NR2C1: variants seen among roughly 807,000 people sequenced by gnomAD.
NR2C1 encodes the protein nuclear receptor subfamily 2 group C member 1, also known as TR2 nuclear hormone receptor.
In NR2C1, 33 loss-of-function variants were observed where a neutral mutation model predicts 74.8. The ratio of observed to expected loss-of-function variants is 0.44; its 90% CI spans 0.33 to 0.59. The LOEUF (loss-of-function observed/expected upper bound fraction) is 0.59, where lower values mean the gene tolerates loss of function less well. NR2C1 is among the 20% of genes least tolerant of loss of function. NR2C1 has a pLI of 0.02. For synonymous variants in NR2C1, 225 were observed against 240.6 expected (o/e 0.94, Z 0.60); for missense variants, 568 against 715.6 (o/e 0.79, Z 2.35).
At position 95,041,121 on chromosome 12, in the gene NR2C1, G is replaced by A. The variant is rs1166878553; in HGVS notation, c.1132-524C>T. 2.8e-4 allele frequency among the ~76,000 whole-genome samples: 43 copies of A among 152,118 alleles called. 1 individual carries two copies. Among genetic ancestry groups the A allele is most frequent in the Admixed American group, 2.8e-3 (43 of 15,264 alleles). ...GAATTCAGTGCAGTGAAAACATATG[G>A]AATTGTGGGCTGAGCACTGCCAGCT... On this transcript the variant is annotated intron_variant, in intron 9 of 13. Transcript: ENST00000333003.
chr12:95,062,643 G>A lies in NR2C1; in HGVS notation c.150C>T (p.Asp50=), dbSNP rs146999685. ...QGKQFILTNH[D]GSTPSKVILA... is the part of the protein sequence containing the mutation. The stretch of plus-strand genomic sequence containing the variant: ...GAATGACTTTGCTTGGAGTAGAGCC[G>A]TCGTGATTTGTCAGAATGAACTGCT... The change falls in exon 3 of 14, where the codon GAC becomes GAT. Residue 50 remains aspartate (D), a synonymous_variant. Coordinates refer to ENST00000333003, the MANE Select transcript of NR2C1 (RefSeq NM_003297.4). The A allele has an allele frequency of 9.3e-6, 15 of 1,614,054 alleles. No homozygotes were observed. The highest frequency in any genetic ancestry group is 6.7e-5 in the African/African-American group (5 of 75,018).
chr12:95,042,456 G>A lies in NR2C1; in HGVS notation c.1132-1859C>T, dbSNP rs1039881742. On this transcript the variant is annotated intron_variant, in intron 9 of 13. Coordinates refer to ENST00000333003, the MANE Select transcript of NR2C1 (RefSeq NM_003297.4). ...TCAAACTCCTGACCTCAGGTGATCC[G>A]CCCGCCTGGGCCTCCTAAAGTGCTA... Among the ~76,000 whole-genome samples the A allele has an allele frequency of 1.6e-3, 246 of 151,950 alleles. 1 individual carries two copies. Among genetic ancestry groups the A allele is most frequent in the African/African-American group, 5.7e-3 (238 of 41,430 alleles).
At chr12:95,057,976 T>C (rs1378774216) in intron 5 of NR2C1, 98 bp from the exon 6 acceptor site, 2 of 989,416 alleles carry the variant, frequency 2.0e-6, no homozygotes, top group Non-Finnish European at 3.0e-6. Flanking sequence ...ATAGGAGACA[T>C]GGCTACCATA....
chr12:95,059,814 A>G (rs1874476363), intron 4 of NR2C1, 92 bp downstream of exon 4: 2 of 840,668 alleles, frequency 2.4e-6, no homozygotes, highest in Non-Finnish European at 3.6e-6. Context: ...TTAGTAGAAG[A>G]AACATGGTAG....
intron 9 of NR2C1, 103 bp downstream of exon 9, chr12:95,048,965 A>G: frequency 1.9e-6 from 2 of 1,051,008 alleles, no homozygotes; most frequent in Non-Finnish European, 2.8e-6. Flanking sequence ...TCTATCAGGG[A>G]TATTTCTGAC....
At chr12:95,048,787 G>C (rs1872626280) in intron 9 of NR2C1, among the ~76,000 whole-genome samples, 2 of 151,892 alleles carry the variant, frequency 1.3e-5, no homozygotes, top group African/African-American at 4.8e-5. Context: ...ATCACACCTG[G>C]CTGATTTTGT....
chr12:95,022,495 A>T, intron 13 of NR2C1, 92 bp from the exon 14 acceptor site: 2 of 1,006,878 alleles, frequency 2.0e-6, no homozygotes, highest in Non-Finnish European at 3.0e-6. Context: ...CATGTGGCCT[A>T]ATTTAATAAA....
intron 1 of NR2C1, among the ~76,000 whole-genome samples, chr12:95,072,201 G>A (rs1876747535): frequency 6.6e-6 from 1 of 150,710 alleles, no homozygotes; most frequent in South Asian, 2.1e-4. Context: ...ATCAGAGGCG[G>A]GTACATCACG....
chr12:95,052,023 G>A, intron 7 of NR2C1, 80 bp from the exon 8 acceptor site: 1 of 916,302 alleles, frequency 1.1e-6, no homozygotes, highest in Non-Finnish European at 1.6e-6. Context: ...TATAGATTAT[G>A]ATATGCCAAC....
intron 10 of NR2C1, among the ~76,000 whole-genome samples, chr12:95,032,949 C>T (rs555193531): frequency 6.6e-6 from 1 of 152,002 alleles, no homozygotes; most frequent in African/African-American, 2.4e-5. Context: ...GCTTGGGTGA[C>T]AGAGTGAGAC....
At chr12:95,068,000 C>A (rs567635129) in intron 1 of NR2C1, among the ~76,000 whole-genome samples, 100 of 151,836 alleles carry the variant, frequency 6.6e-4, no homozygotes, top group African/African-American at 2.3e-3. Flanking sequence ...CCTGCCTCAG[C>A]CTCCCAAGTA....
rs1455620682 is a variant in NR2C1 at position 95,057,870 on chromosome 12, A to G, written c.553T>C (p.Cys185Arg). ...GATACTTCAATGGGTTTTCTTTCAC[A>G]TTGGACAGCTACAAAAATGTGTTAA... ...AFGMKQDSVQCERKPIEVSRE... is the reference protein window; with the variant it reads ...AFGMKQDSVQRERKPIEVSRE... Residue 185 changes from cysteine (C) to arginine (R), a missense_variant, in exon 6 of 14, where the codon TGT (cysteine) becomes CGT (arginine). Coordinates refer to ENST00000333003, the MANE Select transcript of NR2C1 (RefSeq NM_003297.4). The G allele has an allele frequency of 6.2e-7, 1 of 1,612,932 alleles. No homozygotes were observed. The highest frequency in any genetic ancestry group is 1.7e-5 in the Admixed American group (1 of 59,930).
intron 10 of NR2C1, among the ~76,000 whole-genome samples, chr12:95,039,095 G>A (rs1167307737): frequency 1.3e-5 from 2 of 152,006 alleles, no homozygotes; most frequent in African/African-American, 4.8e-5. Context: ...CAGAAAACTA[G>A]AGAAATGCTG....
At chr12:95,037,151 A>T (rs921379238) in intron 10 of NR2C1, among the ~76,000 whole-genome samples, 16 of 152,206 alleles carry the variant, frequency 1.1e-4, no homozygotes, top group African/African-American at 3.6e-4. Context: ...GTTATATTTT[A>T]AGAATCTAGG....
At chr12:95,030,661 A>T (rs759013629) in intron 11 of NR2C1, 6 of 1,609,268 alleles carry the variant, frequency 3.7e-6, no homozygotes, top group African/African-American at 2.7e-5. Context: ...CAAATGATTT[A>T]AAAATTATAT....
At chr12:95,063,735 A>G (rs1240942288) in intron 2 of NR2C1, among the ~76,000 whole-genome samples, 1 of 151,980 alleles carries the variant, frequency 6.6e-6, no homozygotes, top group African/African-American at 2.4e-5. Context: ...CAGACTGCAA[A>G]TGTTCAAGAG....
chr12:95,025,614 C>T (rs956543817), intron 12 of NR2C1, among the ~76,000 whole-genome samples: 7 of 143,352 alleles, frequency 4.9e-5, no homozygotes, highest in African/African-American at 1.6e-4. Flanking sequence ...GCCGAGACAG[C>T]GCCATTGCAC....
At chr12:95,066,162 A>T (rs951800289) in intron 2 of NR2C1, among the ~76,000 whole-genome samples, 1 of 152,148 alleles carries the variant, frequency 6.6e-6, no homozygotes, top group Non-Finnish European at 1.5e-5. Context: ...CAGAAGTTGG[A>T]ATCTCATATC....
chr12:95,066,333 T>C (rs1240546729), intron 2 of NR2C1, among the ~76,000 whole-genome samples: 1 of 152,126 alleles, frequency 6.6e-6, no homozygotes, highest in Non-Finnish European at 1.5e-5. Flanking sequence ...AAAACCCTGT[T>C]GCTACAAAAT....
Sources: gnomAD v4.1 joint callset for allele counts (sites outside exome capture counted in the v4.1 genomes callset) on GRCh38, gnomAD v4.1.1 for gene constraint, MANE v1.5 for transcripts, NCBI Gene and HGNC (gene_info 2026-07-23, HGNC 2026-07-21) for gene names.